Variants in HMGCLL1 observed in about 807,000 individuals in gnomAD.
HMGCLL1 encodes the protein 3-hydroxy-3-methylglutaryl-CoA lyase like 1, also known as 3-hydroxymethyl-3-methylglutaryl-CoA lyase, cytoplasmic.
HMGCLL1 carries 36 observed loss-of-function variants against 39.1 expected under a neutral mutation model. That is an observed-to-expected ratio of 0.92 (90% CI 0.71 to 1.22). The LOEUF (loss-of-function observed/expected upper bound fraction) is 1.22, where lower values mean the gene tolerates loss of function less well. Among genes scored for constraint, HMGCLL1 ranks in the 50% most tolerant of loss-of-function variants. The probability of loss-of-function intolerance (pLI) is 0.00; values close to 1 mark genes in which losing one functional copy is unlikely to be tolerated. For missense variants in HMGCLL1, 451 were observed against 416.5 expected (o/e 1.08, Z -0.72); for synonymous variants, 149 against 144.0 (o/e 1.03, Z -0.25).
the HMGCLL1 span, among the ~76,000 whole-genome samples, chr6:55,618,545 A>G: frequency 1.3e-5 from 2 of 152,102 alleles, no homozygotes; most frequent in African/African-American, 4.8e-5. Context: ...AGTTAGGAAC[A>G]TGAATTTCCA....
chr6:55,525,272 A>G (rs764283677), intron 3 of HMGCLL1, among the ~76,000 whole-genome samples: 2 of 151,972 alleles, frequency 1.3e-5, no homozygotes, highest in Non-Finnish European at 2.9e-5. Flanking sequence ...AGATCCTCTA[A>G]ATGTTTAGGC....
At chr6:55,448,637 G>A (rs534894639) in intron 7 of HMGCLL1, among the ~76,000 whole-genome samples, 4 of 152,112 alleles carry the variant, frequency 2.6e-5, no homozygotes, top group African/African-American at 9.6e-5. Context: ...AAATTCTGTA[G>A]ATGATTCTTC....
At chr6:55,500,483 C>T (rs1349205371) in intron 5 of HMGCLL1, among the ~76,000 whole-genome samples, 1 of 151,790 alleles carries the variant, frequency 6.6e-6, no homozygotes, top group Admixed American at 6.6e-5. Flanking sequence ...TGATTCAGTA[C>T]ATAGCTATTG....
the HMGCLL1 span, among the ~76,000 whole-genome samples, chr6:55,621,984 C>G: frequency 3.3e-5 from 5 of 151,768 alleles, no homozygotes; most frequent in African/African-American, 1.2e-4. Context: ...TTATAGAGAA[C>G]TTTCTCTTCT....
chr6:55,602,492 T>C, the HMGCLL1 span, among the ~76,000 whole-genome samples: 1 of 152,088 alleles, frequency 6.6e-6, no homozygotes, highest in Non-Finnish European at 1.5e-5. Flanking sequence ...TCTATAAGTA[T>C]GTAGGTGGGA....
intron 3 of HMGCLL1, among the ~76,000 whole-genome samples, chr6:55,532,366 C>CT (rs1387767302): frequency 6.6e-6 from 1 of 151,960 alleles, no homozygotes; most frequent in Non-Finnish European, 1.5e-5. Flanking sequence ...ATAAATTTTG[C>CT]TTTTTCTTAG....
chr6:55,665,464 A>G, the HMGCLL1 span, among the ~76,000 whole-genome samples: 49,352 of 151,412 alleles, frequency 0.33, 8,248 homozygotes, highest in East Asian at 0.41. Flanking sequence ...CTTTTATGTT[A>G]GTAGGATTAT....
the HMGCLL1 span, among the ~76,000 whole-genome samples, chr6:55,674,270 T>A: frequency 2.0e-5 from 3 of 151,924 alleles, no homozygotes; most frequent in African/African-American, 7.2e-5. Context: ...ATTCTGGCCT[T>A]TATTTACAAA....
At chr6:55,597,201 A>G in the HMGCLL1 span, among the ~76,000 whole-genome samples, 2 of 152,266 alleles carry the variant, frequency 1.3e-5, no homozygotes, top group East Asian at 3.9e-4. Flanking sequence ...TTTGGCTTCC[A>G]TTACAAACAT....
At position 55,579,067 on chromosome 6, in the gene HMGCLL1, G is replaced by C. The variant is rs1320984628; in HGVS notation, c.-12C>G. 1 of 1,598,574 alleles carries C rather than the reference G, an allele frequency of 6.3e-7. No homozygotes were observed. The highest frequency in any genetic ancestry group is 8.5e-7 in the Non-Finnish European group (1 of 1,170,108). On this transcript the variant is annotated 5_prime_UTR_variant, in exon 1 of 9. Coordinates refer to ENST00000274901, the MANE Select transcript of HMGCLL1 (RefSeq NM_001042406.2). Reference sequence around the variant, plus strand: ...GGCACATTCCCCATGGCGGAGCCTGGGGCGGCAGTCGGCGAGGGGAGGGAG... The same window carrying C: ...GGCACATTCCCCATGGCGGAGCCTGCGGCGGCAGTCGGCGAGGGGAGGGAG...
chr6:55,529,632 G>A lies in HMGCLL1; in HGVS notation c.297+12097C>T, dbSNP rs79136230. On this transcript the variant is annotated intron_variant, in intron 3 of 8. Transcript: ENST00000274901. ...AAAAAAACTGGCCAGAGTGCTCGAT[G>A]ACAAACTGCTTAACATACCCTGGTT... Among the ~76,000 whole-genome samples, 252 of 152,208 alleles carry A rather than the reference G, an allele frequency of 1.7e-3. 1 individual carries two copies. Among genetic ancestry groups the A allele is most frequent in the African/African-American group, 5.7e-3 (236 of 41,536 alleles).
intron 7 of HMGCLL1, among the ~76,000 whole-genome samples, chr6:55,486,656 C>T (rs979603838): frequency 1.3e-5 from 2 of 152,078 alleles, no homozygotes; most frequent in African/African-American, 4.8e-5. Context: ...TCACCGTCAC[C>T]TTACATACAC....
the HMGCLL1 span, among the ~76,000 whole-genome samples, chr6:55,585,511 T>G: frequency 8.5e-5 from 13 of 152,152 alleles, no homozygotes; most frequent in Non-Finnish European, 1.3e-4. Context: ...AATAAGATCT[T>G]AATAGGTAAA....
chr6:55,484,577 TCA>T lies in HMGCLL1; in HGVS notation c.795+10840_795+10841del, dbSNP rs1765914665. ...ATATTTGCCAGCAAATATTGTCCAC[TCA>T]TAGCCTTTTCCATTTTGGTTGATGG... On this transcript the variant is annotated intron_variant, in intron 7 of 8. Coordinates refer to ENST00000274901, the MANE Select transcript of HMGCLL1 (RefSeq NM_001042406.2). 5.3e-5 allele frequency among the ~76,000 whole-genome samples: 8 copies of T among 152,244 alleles called. No individual in the cohort carries two copies. In the South Asian group the frequency reaches 1.7e-3, roughly 32 times the overall value.
At chr6:55,647,130 A>C in the HMGCLL1 span, among the ~76,000 whole-genome samples, 1 of 152,134 alleles carries the variant, frequency 6.6e-6, no homozygotes, top group South Asian at 2.1e-4. Flanking sequence ...ACTATCATTA[A>C]ATTATGAACT....
chr6:55,594,920 A>C, the HMGCLL1 span, among the ~76,000 whole-genome samples: 1 of 152,186 alleles, frequency 6.6e-6, no homozygotes, highest in Non-Finnish European at 1.5e-5. Flanking sequence ...ACAGAGTAGT[A>C]AACACTCTGG....
intron 3 of HMGCLL1, among the ~76,000 whole-genome samples, chr6:55,531,497 A>C (rs1768670528): frequency 6.6e-6 from 1 of 152,064 alleles, no homozygotes. Context: ...ACGGCTTTGA[A>C]AGGTTTTTTT....
chr6:55,513,405 T>C (rs1459587252), intron 5 of HMGCLL1: 2 of 152,142 alleles, frequency 1.3e-5, no homozygotes, highest in Non-Finnish European at 2.9e-5. Context: ...CCTAAATTTA[T>C]AGAAATCACA....
At chr6:55,503,408 G>A (rs967933700) in intron 5 of HMGCLL1, among the ~76,000 whole-genome samples, 3 of 151,688 alleles carry the variant, frequency 2.0e-5, no homozygotes, top group Admixed American at 6.6e-5. Flanking sequence ...CTCTTTCTGG[G>A]ATAGATACCC....
Sources: allele counts gnomAD v4.1 joint callset (sites outside exome capture counted in the v4.1 genomes callset), GRCh38; gene constraint gnomAD v4.1.1; transcripts MANE v1.5; gene names NCBI Gene and HGNC (gene_info 2026-07-23, HGNC 2026-07-21).